The following TMEM64 variants were observed in gnomAD, a reference collection of about 807,000 sequenced individuals.
TMEM64 encodes the protein transmembrane protein 64.
A neutral mutation model predicts 24.5 loss-of-function variants in TMEM64; 19 were observed. That is an observed-to-expected ratio of 0.78 (90% CI 0.54 to 1.14). The LOEUF (loss-of-function observed/expected upper bound fraction) is 1.14, where lower values mean the gene tolerates loss of function less well. Ranked by LOEUF, TMEM64 falls within the 50% of genes most tolerant of loss-of-function variation. The pLI, the probability that TMEM64 is intolerant of heterozygous loss-of-function variation, is 0.00. For missense variants in TMEM64, 487 were observed against 493.0 expected (o/e 0.99, Z 0.12); for synonymous variants, 262 against 224.7 (o/e 1.17, Z -1.49).
intron 1 of TMEM64, among the ~76,000 whole-genome samples, chr8:90,638,452 G>A (rs755847730): frequency 1.3e-4 from 20 of 152,118 alleles, no homozygotes; most frequent in Admixed American, 5.2e-4. Flanking sequence ...CCAAGTCTTT[G>A]TTAAGTGCTT....
At chr8:90,642,424 T>TA (rs113263883) in intron 1 of TMEM64, among the ~76,000 whole-genome samples, 25,408 of 148,440 alleles carry the variant, frequency 0.17, 4,523 homozygotes, top group African/African-American at 0.46. Flanking sequence ...TTTTTTTCTT[T>TA]AAAAAAAAAA....
intron 1 of TMEM64, among the ~76,000 whole-genome samples, chr8:90,641,457 C>T (rs865825328): frequency 6.6e-6 from 1 of 152,160 alleles, no homozygotes; most frequent in Admixed American, 6.5e-5. Context: ...CCTGCTCTAA[C>T]ATCTGGGATG....
chr8:90,627,445 G>A (rs1255537928), intron 2 of TMEM64, among the ~76,000 whole-genome samples: 2 of 126,518 alleles, frequency 1.6e-5, no homozygotes, highest in Admixed American at 9.6e-5. Context: ...GAAACACCAT[G>A]TAAAGAGATG....
At chr8:90,626,625 C>CTTTTTTTTTTTTTTT (rs1223612676) in intron 2 of TMEM64, among the ~76,000 whole-genome samples, 3 of 112,534 alleles carry the variant, frequency 2.7e-5, no homozygotes, top group African/African-American at 1.3e-4. Context: ...CTTTTTTTTT[C>CTTTTTTTTTTTTTTT]TTTCTTTTTT....
At chr8:90,626,629 CTTTTTTTTTTTT>C (rs34029067) in intron 2 of TMEM64, among the ~76,000 whole-genome samples, 14 of 105,820 alleles carry the variant, frequency 1.3e-4, no homozygotes, top group Non-Finnish European at 1.9e-5. Context: ...TTTTTTCTTT[CTTTTTTTTTTTT>C]TTTTTTTGAG....
chr8:90,645,453 C>T lies in TMEM64; in HGVS notation c.453G>A (p.Val151=), dbSNP rs568979194. 1.3e-6 allele frequency: 2 copies of T among 1,551,458 alleles called. No individual in the cohort carries two copies. The highest frequency in any genetic ancestry group is 1.4e-5 in the African/African-American group (1 of 73,066). The change falls in exon 1 of 3, where the codon GTG becomes GTA. Residue 151 remains valine, a synonymous_variant. Transcript: ENST00000458549. This position sits in a 1 kb window ranked among gnomAD's most constrained non-coding sequence, Gnocchi z 4.2. ...CCCCCAGCAGCGAGTCAAGGCTCTCCACCCACAGCAGGAGGTGGTGAAGGT... is the reference window on the plus strand; with the variant it reads ...CCCCCAGCAGCGAGTCAAGGCTCTCTACCCACAGCAGGAGGTGGTGAAGGT... ...RRYLHHLLLW[V]ESLDSLLGVL...
chr8:90,625,524 T>TA lies in TMEM64; in HGVS notation c.*146_*147insT. The stretch of plus-strand genomic sequence containing the variant: ...ACATACCCAGAAAATGATTCTTGCT[T>TA]TAAAAAAAAAAAATTGTGCAATTTA... On this transcript the variant is annotated 3_prime_UTR_variant, in exon 3 of 3. Coordinates refer to ENST00000458549, the MANE Select transcript of TMEM64 (RefSeq NM_001008495.4). 7 of 673,812 alleles carry TA rather than the reference T, an allele frequency of 1.0e-5. No individual in the cohort carries two copies. The highest frequency in any genetic ancestry group is 2.8e-5 in the South Asian group (1 of 35,880). 41.7% of individuals were successfully genotyped at this position (673,812 alleles called of 1,614,324 possible).
At chr8:90,644,810 G>A (rs1021806080) in intron 1 of TMEM64, among the ~76,000 whole-genome samples, 1 of 152,144 alleles carries the variant, frequency 6.6e-6, no homozygotes, top group African/African-American at 2.4e-5. Flanking sequence ...TATTAAAGAT[G>A]GGCATTTCCA....
intron 1 of TMEM64, among the ~76,000 whole-genome samples, chr8:90,638,003 A>G (rs1172812719): frequency 6.6e-5 from 10 of 152,032 alleles, no homozygotes; most frequent in Admixed American, 6.5e-4. Flanking sequence ...TATCTACTAC[A>G]TCTTGTCAAC....
At position 90,623,810 on chromosome 8, in the gene TMEM64, A is replaced by C. The variant is rs1186464897; in HGVS notation, c.*1861T>G. ...ACAATGATTCCTTTCACAAAAACTA[A>C]CCAACAAACAAGAAGCACAAGAAAA... On this transcript the variant is annotated 3_prime_UTR_variant, in exon 3 of 3. Transcript: ENST00000458549. 1 of 152,272 alleles carries C rather than the reference A, an allele frequency of 6.6e-6. No individual in the cohort carries two copies. Among genetic ancestry groups the C allele is most frequent in the Non-Finnish European group, 1.5e-5 (1 of 67,940 alleles). 9.4% of individuals were successfully genotyped at this position (152,272 alleles called of 1,614,324 possible).
rs749281336 is a variant in TMEM64 at position 90,637,773 on chromosome 8, T to C, written c.796-6066A>G. The stretch of plus-strand genomic sequence containing the variant: ...ACTTCCTATTAATATTTCAGAAAAA[T>C]TGGGGAACAGAGAAAAAGAATTCAG... On this transcript the variant is annotated intron_variant, in intron 1 of 2. Coordinates refer to ENST00000458549, the MANE Select transcript of TMEM64 (RefSeq NM_001008495.4). Among the ~76,000 whole-genome samples, 4 of 152,094 alleles carry C rather than the reference T, an allele frequency of 2.6e-5. No individual in the cohort carries two copies. In the South Asian group the frequency reaches 8.3e-4, roughly 31 times the overall value.
In TMEM64 at chr8:90,622,315, G is replaced by C. The variant is rs1319142813; in HGVS notation, c.*3356C>G. 1 of 152,126 alleles carries C rather than the reference G, an allele frequency of 6.6e-6. No individual in the cohort carries two copies. Among genetic ancestry groups the C allele is most frequent in the Non-Finnish European group, 1.5e-5 (1 of 68,026 alleles). 9.4% of individuals were successfully genotyped at this position (152,126 alleles called of 1,614,324 possible). ...TAAAAAGATTACATCCTAAATACTT[G>C]ATTACAACAGAAATCGACCAATCTA... On this transcript the variant is annotated 3_prime_UTR_variant, in exon 3 of 3. Coordinates refer to ENST00000458549, the MANE Select transcript of TMEM64 (RefSeq NM_001008495.4).
intron 1 of TMEM64, among the ~76,000 whole-genome samples, chr8:90,636,944 G>C (rs1212558011): frequency 6.6e-6 from 1 of 152,166 alleles, no homozygotes; most frequent in Admixed American, 6.5e-5. Context: ...GTCATCTCAT[G>C]TTTTAAAAAC....
At chr8:90,628,865 T>C (rs1167697952) in intron 2 of TMEM64, among the ~76,000 whole-genome samples, 4 of 152,192 alleles carry the variant, frequency 2.6e-5, no homozygotes, top group Non-Finnish European at 5.9e-5. Flanking sequence ...ACAATGTAAA[T>C]ATACTGAAAT....
chr8:90,629,031 G>A (rs909272820), intron 2 of TMEM64, among the ~76,000 whole-genome samples: 1 of 152,106 alleles, frequency 6.6e-6, no homozygotes, highest in Non-Finnish European at 1.5e-5. Context: ...GCAAATTTGT[G>A]GCTCGTTTCT....
intron 1 of TMEM64, among the ~76,000 whole-genome samples, chr8:90,632,888 T>C (rs1025351619): frequency 6.6e-6 from 1 of 152,254 alleles, no homozygotes; most frequent in African/African-American, 2.4e-5. Context: ...ATTGTGTGGA[T>C]GTAGCACAAT....
At chr8:90,629,497 T>C (rs1448541836) in intron 2 of TMEM64, among the ~76,000 whole-genome samples, 1 of 152,104 alleles carries the variant, frequency 6.6e-6, no homozygotes, top group Non-Finnish European at 1.5e-5. Flanking sequence ...AGATTACTTA[T>C]TTTCAGGAAA....
At chr8:90,638,716 C>A (rs534843602) in intron 1 of TMEM64, among the ~76,000 whole-genome samples, 5 of 152,160 alleles carry the variant, frequency 3.3e-5, no homozygotes, top group African/African-American at 2.4e-5. Flanking sequence ...ATATGGAAAC[C>A]TAGAATAGTT....
At chr8:90,634,823 C>T in intron 1 of TMEM64, among the ~76,000 whole-genome samples, 1 of 152,114 alleles carries the variant, frequency 6.6e-6, no homozygotes, top group East Asian at 1.9e-4. Flanking sequence ...CTATATTAAA[C>T]TTTTTTACAA....
Sources: gnomAD v4.1 joint callset for allele counts (sites outside exome capture counted in the v4.1 genomes callset) on GRCh38, gnomAD v4.1.1 for gene constraint, Gnocchi (gnomAD v3.1) non-coding constraint, MANE v1.5 for transcripts, NCBI Gene and HGNC (gene_info 2026-07-23, HGNC 2026-07-21) for gene names.